The following MRPL1 variants were observed in gnomAD, a reference collection of about 807,000 sequenced individuals.
MRPL1 encodes large ribosomal subunit protein uL1m.
A neutral mutation model predicts 38.0 loss-of-function variants in MRPL1; 28 were observed. The ratio of observed to expected loss-of-function variants is 0.74; its 90% CI spans 0.55 to 1.01. The LOEUF (loss-of-function observed/expected upper bound fraction) is 1.01, where lower values mean the gene tolerates loss of function less well. Among genes scored for constraint, MRPL1 ranks in the 50% least tolerant of loss-of-function variants. The pLI, the probability that MRPL1 is intolerant of heterozygous loss-of-function variation, is 0.00. For missense variants in MRPL1, 358 were observed against 389.8 expected (o/e 0.92, Z 0.69); for synonymous variants, 123 against 126.7 (o/e 0.97, Z 0.20).
chr4:77,924,307 T>G (rs1736659086), intron 7 of MRPL1, among the ~76,000 whole-genome samples: 1 of 152,210 alleles, frequency 6.6e-6, no homozygotes. Flanking sequence ...TTTTCTGTGC[T>G]CAAGAGCAGT....
chr4:77,917,260 C>A (rs1169183403), intron 7 of MRPL1, among the ~76,000 whole-genome samples: 1 of 152,118 alleles, frequency 6.6e-6, no homozygotes, highest in Non-Finnish European at 1.5e-5. Context: ...TTCTGACTCA[C>A]CCCTACCATC....
intron 7 of MRPL1, among the ~76,000 whole-genome samples, chr4:77,945,183 A>G (rs1366563131): frequency 2.0e-5 from 3 of 149,040 alleles, no homozygotes; most frequent in African/African-American, 7.4e-5. Flanking sequence ...TACTACTACT[A>G]CTTTATGTTA....
chr4:77,879,982 G>A lies in MRPL1; in HGVS notation c.144-3260G>A, dbSNP rs935426299. Among the ~76,000 whole-genome samples, 4 of 152,166 alleles carry A rather than the reference G, an allele frequency of 2.6e-5. No homozygotes were observed. The East Asian group carries it at 5.8e-4, about 22-fold the overall frequency. On this transcript the variant is annotated intron_variant, in intron 2 of 8. Coordinates refer to ENST00000315567, the MANE Select transcript of MRPL1 (RefSeq NM_020236.4). ...ACTAAAAGTGAGAATGGAATTATAC[G>A]TTGAATTGGTTTTTGAGGTCTTTTT...
Position 77,890,921 on chromosome 4 carries a change from G to C in MRPL1, c.559-3218G>C, listed in dbSNP as rs72869530. 5.8e-4 allele frequency among the ~76,000 whole-genome samples: 89 copies of C among 152,230 alleles called. 1 individual carries two copies. The highest frequency in any genetic ancestry group is 2.0e-3 in the African/African-American group (84 of 41,546). ...TTGTCCCATATTCAAATTTTCATTTGGGGAACTTTTAACTGGGCTCATCCT... is the reference window on the plus strand; with the variant it reads ...TTGTCCCATATTCAAATTTTCATTTCGGGAACTTTTAACTGGGCTCATCCT... On this transcript the variant is annotated intron_variant, in intron 5 of 8. Coordinates refer to ENST00000315567, the MANE Select transcript of MRPL1 (RefSeq NM_020236.4).
intron 1 of MRPL1, among the ~76,000 whole-genome samples, chr4:77,870,588 G>GGAGT (rs549286127): frequency 1.3e-5 from 2 of 152,136 alleles, no homozygotes; most frequent in Non-Finnish European, 2.9e-5. Flanking sequence ...AAAGCAAGAT[G>GGAGT]GAGTAGTGAT....
At position 77,896,865 on chromosome 4, in the gene MRPL1, TA is replaced by T. The variant is rs201804566; in HGVS notation, c.670+2623del. Among the ~76,000 whole-genome samples, 30 of 152,124 alleles carry T rather than the reference TA, an allele frequency of 2.0e-4. No individual in the cohort carries two copies. The East Asian group carries it at 4.8e-3, about 24-fold the overall frequency. ...GTTTTCTCAATATTTTTTGTTTTAT[TA>T]AAAAAAATTAAAACCTGTTTTTTTA... On this transcript the variant is annotated intron_variant, in intron 6 of 8. Transcript: ENST00000315567.
intron 7 of MRPL1, among the ~76,000 whole-genome samples, chr4:77,942,942 T>A (rs900965181): frequency 2.0e-5 from 3 of 152,188 alleles, no homozygotes; most frequent in South Asian, 4.1e-4. Context: ...TACCCTTTTT[T>A]AAAATTTATT....
At chr4:77,899,033 A>C (rs1446563654) in intron 6 of MRPL1, among the ~76,000 whole-genome samples, 5 of 132,598 alleles carry the variant, frequency 3.8e-5, no homozygotes, top group Admixed American at 8.7e-5. Flanking sequence ...TCGTTCTGTC[A>C]CCCAGGCTGG....
intron 7 of MRPL1, among the ~76,000 whole-genome samples, chr4:77,933,505 A>G (rs1481710944): frequency 1.3e-5 from 2 of 152,254 alleles, no homozygotes; most frequent in South Asian, 2.1e-4. Context: ...TAAAACTATA[A>G]ACTCCTGGAG....
intron 2 of MRPL1, among the ~76,000 whole-genome samples, chr4:77,872,292 A>C (rs1419299511): frequency 1.4e-5 from 2 of 142,536 alleles, no homozygotes; most frequent in Non-Finnish European, 3.0e-5. Context: ...TAATTTAATT[A>C]AGAAATTAAT....
At chr4:77,898,921 T>C (rs1193959865) in intron 6 of MRPL1, among the ~76,000 whole-genome samples, 1 of 151,746 alleles carries the variant, frequency 6.6e-6, no homozygotes, top group Non-Finnish European at 1.5e-5. Flanking sequence ...CTTGCGGTCA[T>C]AGAACTAACA....
intron 2 of MRPL1, among the ~76,000 whole-genome samples, chr4:77,874,554 T>A (rs952719609): frequency 6.6e-6 from 1 of 152,180 alleles, no homozygotes; most frequent in Non-Finnish European, 1.5e-5. Context: ...GATGTGTGCA[T>A]TTATAATTTT....
chr4:77,866,225 T>G lies in MRPL1; in HGVS notation c.31+3346T>G, dbSNP rs377649188. ...TGCCACTGGGTCCGGGTAATGTTTGTATTTTCAGTAGAGACGAGGTTTTGC... is the reference window on the plus strand; with the variant it reads ...TGCCACTGGGTCCGGGTAATGTTTGGATTTTCAGTAGAGACGAGGTTTTGC... On this transcript the variant is annotated intron_variant, in intron 1 of 8. Coordinates refer to ENST00000315567, the MANE Select transcript of MRPL1 (RefSeq NM_020236.4). Among the ~76,000 whole-genome samples, 39 of 152,218 alleles carry G rather than the reference T, an allele frequency of 2.6e-4. No homozygotes were observed. In the East Asian group the frequency reaches 6.4e-3, roughly 25 times the overall value.
intron 7 of MRPL1, among the ~76,000 whole-genome samples, chr4:77,943,678 T>C (rs1394673480): frequency 6.6e-6 from 1 of 152,176 alleles, no homozygotes; most frequent in Non-Finnish European, 1.5e-5. Context: ...GACTTTACAG[T>C]GCATTTTGCA....
rs374805070 is a variant in MRPL1, at chr4:77,940,134, G to A, written c.778-9663G>A. On this transcript the variant is annotated intron_variant, in intron 7 of 8. Transcript: ENST00000315567. ...CTTAATTTGTATATTGCTTTTGACA[G>A]TATGGTCATTTTCACAATATTGATT... 1.1e-4 allele frequency among the ~76,000 whole-genome samples: 16 copies of A among 152,192 alleles called. No individual in the cohort carries two copies. In the East Asian group the frequency reaches 2.7e-3, roughly 26 times the overall value.
chr4:77,876,501 A>G (rs913199142), intron 2 of MRPL1, among the ~76,000 whole-genome samples: 1 of 152,270 alleles, frequency 6.6e-6, no homozygotes, highest in South Asian at 2.1e-4. Context: ...TAGAGAGCAT[A>G]GAACAAGAAA....
chr4:77,937,917 C>G (rs1280057569), intron 7 of MRPL1, among the ~76,000 whole-genome samples: 1 of 151,986 alleles, frequency 6.6e-6, no homozygotes, highest in African/African-American at 2.4e-5. Flanking sequence ...GTAGGAAACC[C>G]TAAGTCTCAA....
At chr4:77,915,820 T>A (rs766196710) in intron 7 of MRPL1, among the ~76,000 whole-genome samples, 19 of 152,348 alleles carry the variant, frequency 1.2e-4, no homozygotes, top group Admixed American at 5.2e-4. Context: ...AGTGAAAATG[T>A]CATAAGATGA....
Position 77,904,562 on chromosome 4 carries a change from G to A in MRPL1, c.671-4704G>A, listed in dbSNP as rs867083149. 1.1e-3 allele frequency among the ~76,000 whole-genome samples: 167 copies of A among 151,454 alleles called. 1 individual carries two copies. The highest frequency in any genetic ancestry group is 4.0e-3 in the African/African-American group (166 of 41,300). ...GAGTAAGACTGTGTCTCAAAAAAAA[G>A]AAAAAAAGAAATTAAAAGAGAGAAT... is the stretch of plus-strand genomic sequence containing the variant. On this transcript the variant is annotated intron_variant, in intron 6 of 8. Transcript: ENST00000315567.
Sources: gnomAD v4.1 joint callset for allele counts (sites outside exome capture counted in the v4.1 genomes callset) on GRCh38, gnomAD v4.1.1 for gene constraint, MANE v1.5 for transcripts, NCBI Gene and HGNC (gene_info 2026-07-23, HGNC 2026-07-21) for gene names.